PICALM: variants seen among roughly 807,000 people sequenced by gnomAD.
PICALM encodes the protein phosphatidylinositol-binding clathrin assembly protein.
PICALM carries 40 observed loss-of-function variants against 80.5 expected under a neutral mutation model. That is an observed-to-expected ratio of 0.50 (90% CI 0.39 to 0.65). PICALM has a LOEUF of 0.65. Among genes scored for constraint, PICALM ranks in the 30% least tolerant of loss-of-function variants. The probability of loss-of-function intolerance (pLI) is 0.00; values close to 1 mark genes in which losing one functional copy is unlikely to be tolerated. For synonymous variants in PICALM, 288 were observed against 260.3 expected (o/e 1.11, Z -1.02); for missense variants, 676 against 778.9 (o/e 0.87, Z 1.57).
At chr11:86,034,779 T>A (rs921630310) in intron 1 of PICALM, among the ~76,000 whole-genome samples, 1 of 152,242 alleles carries the variant, frequency 6.6e-6, no homozygotes, top group East Asian at 1.9e-4. Context: ...AAGCCTACCA[T>A]AGAAATGACA....
At chr11:85,961,042 C>T (rs779957932) in intron 19 of PICALM, among the ~76,000 whole-genome samples, 11 of 123,834 alleles carry the variant, frequency 8.9e-5, no homozygotes, top group Non-Finnish European at 1.5e-4. Context: ...CCCAAAAGGT[C>T]GATATAAGCT....
chr11:85,986,775 T>C (rs1457931771), intron 13 of PICALM, among the ~76,000 whole-genome samples: 1 of 151,984 alleles, frequency 6.6e-6, no homozygotes, highest in Non-Finnish European at 1.5e-5. Flanking sequence ...TTTACAGAAA[T>C]ACACACACAC....
At chr11:86,024,172 A>G (rs2095611404) in intron 3 of PICALM, among the ~76,000 whole-genome samples, 1 of 151,692 alleles carries the variant, frequency 6.6e-6, no homozygotes, top group South Asian at 2.1e-4. Flanking sequence ...GTCTCAAAGA[A>G]AAAAAAAATT....
At chr11:86,033,078 C>T (rs1179973331) in intron 1 of PICALM, among the ~76,000 whole-genome samples, 2 of 152,122 alleles carry the variant, frequency 1.3e-5, no homozygotes, top group East Asian at 1.9e-4. Flanking sequence ...ACAGTAAATC[C>T]AACTTGGATA....
intron 4 of PICALM, among the ~76,000 whole-genome samples, chr11:86,015,616 T>G (rs1489018272): frequency 6.6e-6 from 1 of 152,192 alleles, no homozygotes; most frequent in East Asian, 1.9e-4. Context: ...GATAGAGAAA[T>G]TATTGGCAGC....
rs769741044 is a variant in PICALM at position 85,981,236 on chromosome 11, T to C, written c.1680-8A>G. 2 of 1,378,894 alleles carry C rather than the reference T, an allele frequency of 1.5e-6. No individual in the cohort carries two copies. Among genetic ancestry groups the C allele is most frequent in the Non-Finnish European group, 2.1e-6 (2 of 966,006 alleles). The allele number at this position is 1,378,894 out of a possible 1,614,324, so 85.4% of individuals were successfully genotyped here. On this transcript the variant is annotated splice_polypyrimidine_tract_variant and splice_region_variant and intron_variant, in intron 16 of 19. Coordinates refer to ENST00000393346, the MANE Select transcript of PICALM (RefSeq NM_007166.4). ...TGACTCCAATTTACATCACTTTAAATAAACATAAGTGAGAATATTAAATGT... is the reference window on the plus strand; with the variant it reads ...TGACTCCAATTTACATCACTTTAAACAAACATAAGTGAGAATATTAAATGT...
intron 18 of PICALM, among the ~76,000 whole-genome samples, chr11:85,975,374 A>C (rs2094245023): frequency 6.6e-6 from 1 of 152,180 alleles, no homozygotes; most frequent in African/African-American, 2.4e-5. Flanking sequence ...AATCTCAACC[A>C]AATATGTTTC....
Position 85,996,886 on chromosome 11 carries a change from T to G in PICALM, c.1198A>C (p.Thr400Pro). The change falls in exon 12 of 20, where the codon ACT (threonine) becomes CCT (proline). Residue 400 changes from threonine to proline, a missense_variant. This residue lies in a region of PICALM where 391 missense variants were observed against 383.6 expected (regional missense o/e 1.02). Coordinates refer to ENST00000393346, the MANE Select transcript of PICALM (RefSeq NM_007166.4). The stretch of plus-strand genomic sequence containing the variant: ...ATAGGATGTACAGATGGGTGAAAAG[T>G]TGGCTGCTGCAAATCAAGCAGATCA... ...PNDLLDLQQPTFHPSVHPMST... is the reference protein window; with the variant it reads ...PNDLLDLQQPPFHPSVHPMST... The G allele has an allele frequency of 6.2e-7, 1 of 1,613,222 alleles. No homozygotes were observed. The highest frequency in any genetic ancestry group is 2.2e-5 in the East Asian group (1 of 44,784).
chr11:86,068,834 C>A lies in PICALM; in HGVS notation c.-54G>T, dbSNP rs573785767. 7.2e-6 allele frequency: 11 copies of A among 1,531,936 alleles called. No homozygotes were observed. In the East Asian group the frequency reaches 1.9e-4, roughly 27 times the overall value. 94.9% of individuals were successfully genotyped at this position (1,531,936 alleles called of 1,614,324 possible). ...CTCAGCAGCCGGCGGGGACTGGGAC[C>A]CCCAAGAGCCGGAGGGTCCCCACCC... On this transcript the variant is annotated 5_prime_UTR_variant, in exon 1 of 20. Transcript: ENST00000393346.
At chr11:86,058,934 T>G (rs551756244) in intron 1 of PICALM, among the ~76,000 whole-genome samples, 1 of 152,332 alleles carries the variant, frequency 6.6e-6, no homozygotes, top group East Asian at 1.9e-4. Flanking sequence ...CTCAAAAATG[T>G]GCATTTTAAT....
chr11:86,051,371 T>C (rs1215699989), intron 1 of PICALM, among the ~76,000 whole-genome samples: 1 of 152,118 alleles, frequency 6.6e-6, no homozygotes, highest in African/African-American at 2.4e-5. Context: ...ATATGGAAAA[T>C]TTATCTTAAG....
intron 11 of PICALM, among the ~76,000 whole-genome samples, chr11:85,998,567 C>A (rs139573427): frequency 6.6e-6 from 1 of 151,738 alleles, no homozygotes; most frequent in African/African-American, 2.4e-5. Flanking sequence ...CTGAGGCGTG[C>A]GGACTGCTTG....
At position 85,964,183 on chromosome 11, in the gene PICALM, C is replaced by T. The variant is rs550780446; in HGVS notation, c.1945-5123G>A. Among the ~76,000 whole-genome samples, 5 of 152,158 alleles carry T rather than the reference C, an allele frequency of 3.3e-5. No homozygotes were observed. In the South Asian group the frequency reaches 1.0e-3, roughly 32 times the overall value. ...AGTGGAATTAAAAGCTTATGAAAGA[C>T]TAAATGGTTGGATATTTAGGAAAAA... On this transcript the variant is annotated intron_variant, in intron 19 of 19. Coordinates refer to ENST00000393346, the MANE Select transcript of PICALM (RefSeq NM_007166.4).
chr11:86,061,330 C>CAAAAAAAAAAAAA (rs58836221), intron 1 of PICALM, among the ~76,000 whole-genome samples: 17 of 81,176 alleles, frequency 2.1e-4, no homozygotes, highest in African/African-American at 3.8e-4. Context: ...GACTCCATCT[C>CAAAAAAAAAAAAA]AAAAAAAAAA....
rs59672357 is a variant in PICALM at position 85,982,423 on chromosome 11, C to CTTTTTTTTTTTTTTTT, written c.1517-421_1517-420insAAAAAAAAAAAAAAAA. 5.7e-3 allele frequency among the ~76,000 whole-genome samples: 396 copies of CTTTTTTTTTTTTTTTT among 70,088 alleles called. 96 individuals carry two copies. The highest frequency in any genetic ancestry group is 8.5e-3 in the Middle Eastern group (1 of 118). The allele number at this position is 70,088 out of a possible 152,430, so 46.0% of individuals were successfully genotyped here. A position where few individuals can be genotyped will look rare whatever the true frequency, so the allele number is the denominator to read the frequency against. ...ACGTTAAGAAATAAGATTTTATAGA[C>CTTTTTTTTTTTTTTTT]TTTTTTTTTTTTTTTGAGACGGAGT... On this transcript the variant is annotated intron_variant, in intron 14 of 19. Coordinates refer to ENST00000393346, the MANE Select transcript of PICALM (RefSeq NM_007166.4).
intron 12 of PICALM, among the ~76,000 whole-genome samples, chr11:85,994,167 T>C (rs1449420868): frequency 6.6e-6 from 1 of 152,224 alleles, no homozygotes; most frequent in Non-Finnish European, 1.5e-5. Context: ...AAACTGATAA[T>C]ATTGTATATT....
In PICALM at chr11:86,068,880, C is replaced by T. The variant is rs1268530340; in HGVS notation, c.-100G>A. ...CACCCCCCACCGCACCCCCTACCCC[C>T]ACCGGCTCCTTCCCCGCCTGCCGGC... On this transcript the variant is annotated 5_prime_UTR_variant, in exon 1 of 20. Coordinates refer to ENST00000393346, the MANE Select transcript of PICALM (RefSeq NM_007166.4). 5 of 1,419,134 alleles carry T rather than the reference C, an allele frequency of 3.5e-6. No individual in the cohort carries two copies. The highest frequency in any genetic ancestry group is 4.6e-6 in the Non-Finnish European group (5 of 1,082,330). The allele number at this position is 1,419,134 out of a possible 1,614,324, so 87.9% of individuals were successfully genotyped here. A position where few individuals can be genotyped will look rare whatever the true frequency, so the allele number is the denominator to read the frequency against.
intron 12 of PICALM, among the ~76,000 whole-genome samples, chr11:85,992,587 G>T (rs998648922): frequency 6.6e-6 from 1 of 152,052 alleles, no homozygotes. Flanking sequence ...ACACACGGCC[G>T]AATGTTCTGT....
chr11:86,021,326 G>C (rs1254239568), intron 4 of PICALM, among the ~76,000 whole-genome samples: 3 of 151,794 alleles, frequency 2.0e-5, no homozygotes, highest in Non-Finnish European at 4.4e-5. Flanking sequence ...CTCAAAAAGT[G>C]AAAATAAAAA....
Sources: gnomAD v4.1 joint callset for allele counts (sites outside exome capture counted in the v4.1 genomes callset) on GRCh38, gnomAD v4.1.1 for gene constraint, gnomAD v4.1.1 regional missense constraint, MANE v1.5 for transcripts, NCBI Gene and HGNC (gene_info 2026-07-23, HGNC 2026-07-21) for gene names.